The following NPSR1 variants were observed in gnomAD, a reference collection of about 807,000 sequenced individuals.
NPSR1 encodes the protein neuropeptide S receptor.
A neutral mutation model predicts 46.9 loss-of-function variants in NPSR1; 48 were observed. The ratio of observed to expected loss-of-function variants is 1.02; its 90% confidence interval spans 0.81 to 1.30. The LOEUF is 1.30. NPSR1 is among the 50% of genes most tolerant of loss of function. The probability of loss-of-function intolerance (pLI) is 0.00; values close to 1 mark genes in which losing one functional copy is unlikely to be tolerated. For synonymous variants in NPSR1, 176 were observed against 168.1 expected (o/e 1.05, Z -0.36); for missense variants, 450 against 449.5 (o/e 1.00, Z -0.01).
intron 5 of NPSR1, among the ~76,000 whole-genome samples, chr7:34,828,836 T>C (rs1410242168): frequency 3.3e-5 from 5 of 152,192 alleles, no homozygotes; most frequent in African/African-American, 4.8e-5. Context: ...TGAGAAAAGC[T>C]GTATTGCTTC....
intron 2 of NPSR1, among the ~76,000 whole-genome samples, chr7:34,697,765 T>C (rs1793604414): frequency 6.6e-6 from 1 of 150,530 alleles, no homozygotes; most frequent in Non-Finnish European, 1.5e-5. Context: ...CCAATTATAA[T>C]ACATACATAT....
intron 1 of NPSR1, among the ~76,000 whole-genome samples, chr7:34,675,788 C>T (rs560714787): frequency 1.3e-5 from 2 of 152,366 alleles, no homozygotes; most frequent in African/African-American, 2.4e-5. Flanking sequence ...CACTGTGTAG[C>T]CTGACTAACT....
At chr7:34,785,182 C>G (rs1201806857) in intron 3 of NPSR1, among the ~76,000 whole-genome samples, 3 of 151,562 alleles carry the variant, frequency 2.0e-5, no homozygotes, top group Admixed American at 6.6e-5. Flanking sequence ...ACATATACAC[C>G]ACGGAATACT....
intron 6 of NPSR1, among the ~76,000 whole-genome samples, chr7:34,843,041 C>G (rs1453726029): frequency 1.3e-5 from 2 of 152,164 alleles, no homozygotes; most frequent in African/African-American, 4.8e-5. Flanking sequence ...CCGCCTTTGT[C>G]TTGGAATCCT....
chr7:34,765,720 C>G (rs565298991), intron 2 of NPSR1, among the ~76,000 whole-genome samples: 40 of 152,276 alleles, frequency 2.6e-4, no homozygotes, highest in African/African-American at 9.1e-4. Context: ...ACTATGCAGT[C>G]GTAGAAAAGA....
intron 2 of NPSR1, among the ~76,000 whole-genome samples, chr7:34,755,221 G>A (rs1217379782): frequency 1.6e-4 from 24 of 152,190 alleles, no homozygotes; most frequent in Admixed American, 1.6e-3. Flanking sequence ...CACCAGCAGT[G>A]TACAAAGGTT....
intron 5 of NPSR1, among the ~76,000 whole-genome samples, chr7:34,829,489 G>A (rs1465964286): frequency 2.0e-5 from 3 of 152,238 alleles, no homozygotes; most frequent in African/African-American, 7.2e-5. Flanking sequence ...CGGTCAGAGA[G>A]CATTTGGAAG....
chr7:34,825,056 C>T (rs1037649086), intron 4 of NPSR1, among the ~76,000 whole-genome samples: 10 of 152,202 alleles, frequency 6.6e-5, no homozygotes, highest in African/African-American at 2.4e-4. Flanking sequence ...CCTGAGGTGG[C>T]TGATTCCCTT....
intron 3 of NPSR1, among the ~76,000 whole-genome samples, chr7:34,788,758 T>C (rs2128741921): frequency 6.6e-6 from 1 of 152,144 alleles, no homozygotes; most frequent in South Asian, 2.1e-4. Context: ...TCTAGACAGA[T>C]AATCAGTAAA....
intron 2 of NPSR1, among the ~76,000 whole-genome samples, chr7:34,759,874 G>A (rs1786073440): frequency 6.6e-6 from 1 of 152,132 alleles, no homozygotes; most frequent in Non-Finnish European, 1.5e-5. Context: ...TCCTGCACAG[G>A]ACCATCTATC....
chr7:34,830,647 T>C (rs1790074465), intron 5 of NPSR1, among the ~76,000 whole-genome samples: 1 of 152,322 alleles, frequency 6.6e-6, no homozygotes, highest in South Asian at 2.1e-4. Flanking sequence ...TTGAGTATGG[T>C]TTTATTTTGT....
chr7:34,832,949 G>A (rs191329717), intron 5 of NPSR1, among the ~76,000 whole-genome samples: 35 of 152,136 alleles, frequency 2.3e-4, no homozygotes, highest in African/African-American at 7.7e-4. Context: ...CTTTACTGCA[G>A]GCATACAAAT....
intron 3 of NPSR1, among the ~76,000 whole-genome samples, chr7:34,790,929 A>ATGTTATATTATATGTCATATATGTTATG (rs1787767098): frequency 8.6e-6 from 1 of 115,986 alleles, no homozygotes; most frequent in Admixed American, 9.1e-5. Context: ...TATATGTTAT[A>ATGTTATATTATATGTCATATATGTTATG]TGTTATATTA....
At chr7:34,784,220 G>A (rs946016590) in intron 3 of NPSR1, among the ~76,000 whole-genome samples, 3 of 152,210 alleles carry the variant, frequency 2.0e-5, no homozygotes, top group Non-Finnish European at 4.4e-5. Context: ...CCAACACTCT[G>A]TTGAATAGGA....
In NPSR1 at chr7:34,858,278, G is replaced by A. The variant is rs183899193; in HGVS notation, c.1025+9615G>A. Among the ~76,000 whole-genome samples the A allele has an allele frequency of 4.2e-4, 64 of 151,534 alleles. 2 individuals are homozygous for A. Among genetic ancestry groups the A allele is most frequent in the African/African-American group, 1.5e-3 (63 of 41,046 alleles). ...TAATTATAAGAGCCTCAAATTGGAG[G>A]CAAAACAAATGCTTATTAGCAGTAG... On this transcript the variant is annotated intron_variant, in intron 8 of 8. Coordinates refer to the NPSR1 transcript ENST00000359791.
intron 4 of NPSR1, among the ~76,000 whole-genome samples, chr7:34,823,846 C>T (rs1789694237): frequency 6.6e-6 from 1 of 152,108 alleles, no homozygotes; most frequent in African/African-American, 2.4e-5. Context: ...CACAGTGACC[C>T]CCAGAGGGCT....
chr7:34,780,868 G>A (rs1222423601), intron 3 of NPSR1, among the ~76,000 whole-genome samples: 1 of 152,198 alleles, frequency 6.6e-6, no homozygotes, highest in Non-Finnish European at 1.5e-5. Context: ...TGTGAAAAAC[G>A]TTTCTCCTCT....
At chr7:34,751,621 A>G (rs1270091106) in intron 2 of NPSR1, 56 of 1,601,912 alleles carry the variant, frequency 3.5e-5, no homozygotes, top group Non-Finnish European at 4.4e-5. Flanking sequence ...CTCTCCACTC[A>G]CTGCCTGCTC....
chr7:34,758,603 C>T (rs1418991378), intron 2 of NPSR1, among the ~76,000 whole-genome samples: 1 of 152,186 alleles, frequency 6.6e-6, no homozygotes, highest in Non-Finnish European at 1.5e-5. Context: ...CTTGTTTTGA[C>T]ATAATTTCAG....
Sources: allele counts gnomAD v4.1 joint callset (sites outside exome capture counted in the v4.1 genomes callset), GRCh38; gene constraint gnomAD v4.1.1; transcripts MANE v1.5; gene names NCBI Gene and HGNC (gene_info 2026-07-23, HGNC 2026-07-21).